The following CD109 variants were observed in gnomAD, a reference collection of about 807,000 sequenced individuals.
The protein encoded by CD109 is CD109 molecule, also known as CD109 antigen.
CD109 carries 149 observed loss-of-function variants against 165.8 expected under a neutral mutation model. The observed-to-expected ratio is 0.90, with a 90% CI of 0.79 to 1.03. The LOEUF is 1.03. Ranked by LOEUF, CD109 falls within the 50% of genes least tolerant of loss-of-function variation. The pLI is 0.00. For missense variants in CD109, 1,712 were observed against 1,677.8 expected, an observed-to-expected ratio of 1.02 and a Z score of -0.36; for synonymous variants, 585 against 592.1, an observed-to-expected ratio of 0.99 and a Z score of 0.18.
intron 5 of CD109, among the ~76,000 whole-genome samples, chr6:73,746,913 C>G (rs1340288886): frequency 6.6e-6 from 1 of 152,214 alleles, no homozygotes; most frequent in African/African-American, 2.4e-5. Flanking sequence ...AAAACTGTCT[C>G]CTGGGGAGGT....
chr6:73,793,773 C>A (rs1021230489), intron 23 of CD109, among the ~76,000 whole-genome samples: 3 of 152,228 alleles, frequency 2.0e-5, no homozygotes, highest in Admixed American at 2.0e-4. Flanking sequence ...CACAAACTCT[C>A]TGTGGCTGAG....
intron 14 of CD109, among the ~76,000 whole-genome samples, chr6:73,768,708 A>T (rs780179200): frequency 6.6e-6 from 1 of 152,194 alleles, no homozygotes; most frequent in Non-Finnish European, 1.5e-5. Context: ...ATTACCCTGC[A>T]TGTGAGGATC....
intron 29 of CD109, among the ~76,000 whole-genome samples, chr6:73,814,387 C>T (rs897025691): frequency 2.6e-5 from 4 of 152,078 alleles, no homozygotes; most frequent in Non-Finnish European, 4.4e-5. Context: ...GAGAAAGACA[C>T]GGGTCCTCAG....
chr6:73,736,508 T>C lies in CD109; in HGVS notation c.633T>C (p.Asn211=). ...LGDWSIQVQV[N]DQTYYQSFQV... is the part of the protein sequence containing the mutation. ...ACTGGTCTATTCAAGTTCAAGTGAATGTGAGTATAAATATATTTTTTGGGG... is the reference window on the plus strand; with the variant it reads ...ACTGGTCTATTCAAGTTCAAGTGAACGTGAGTATAAATATATTTTTTGGGG... Residue 211 remains asparagine (N), a splice_region_variant and synonymous_variant, in exon 5 of 33, where the codon AAT becomes AAC. Transcript: ENST00000287097. 2.5e-6 allele frequency: 4 copies of C among 1,608,938 alleles called. No homozygotes were observed. Among genetic ancestry groups the C allele is most frequent in the Non-Finnish European group, 3.4e-6 (4 of 1,178,036 alleles).
chr6:73,685,955 A>G, the CD109 span, among the ~76,000 whole-genome samples: 6 of 152,304 alleles, frequency 3.9e-5, no homozygotes, highest in Admixed American at 2.6e-4. Context: ...TTGTAGTACT[A>G]TATGGAGTGA....
At chr6:73,795,699 G>T (rs549204291) in intron 23 of CD109, among the ~76,000 whole-genome samples, 26 of 152,286 alleles carry the variant, frequency 1.7e-4, no homozygotes, top group African/African-American at 5.3e-4. Flanking sequence ...TTTCCCCTTG[G>T]GAGGAAGTAG....
intron 20 of CD109, among the ~76,000 whole-genome samples, chr6:73,785,846 GT>G (rs10583850): frequency 2.0e-3 from 274 of 133,882 alleles, no homozygotes; most frequent in East Asian, 3.6e-3. Flanking sequence ...CTGCAGTTTT[GT>G]TTTTTTTTTT....
chr6:73,687,599 T>C, the CD109 span, among the ~76,000 whole-genome samples: 3 of 152,094 alleles, frequency 2.0e-5, no homozygotes, highest in African/African-American at 7.2e-5. Flanking sequence ...CTGTGGTAGA[T>C]TGAATTATTT....
chr6:73,783,945 G>A (rs1194219215), intron 19 of CD109, 121 bp downstream of exon 19: 3 of 600,744 alleles, frequency 5.0e-6, no homozygotes, highest in Admixed American at 3.0e-5. Context: ...GAGATTCCTT[G>A]GCTTTGTCTT....
intron 2 of CD109, 106 bp downstream of exon 2, chr6:73,697,678 T>A (rs1205547967): frequency 2.4e-6 from 2 of 849,674 alleles, no homozygotes; most frequent in Non-Finnish European, 3.6e-6. Flanking sequence ...ATTTGCAGTA[T>A]CTTACCTAAT....
At chr6:73,788,364 A>G in intron 21 of CD109, 104 bp from the exon 22 acceptor site, 1 of 925,974 alleles carries the variant, frequency 1.1e-6, no homozygotes, top group African/African-American at 1.7e-5. Context: ...GCCACACACA[A>G]ACCTCAGACA....
chr6:73,724,453 G>A (rs536521506), intron 3 of CD109, among the ~76,000 whole-genome samples: 10 of 152,152 alleles, frequency 6.6e-5, no homozygotes, highest in African/African-American at 2.4e-4. Context: ...GGCTTTACAT[G>A]CTTAATGTAC....
At position 73,826,770 on chromosome 6, in the gene CD109, A is replaced by G. The variant is rs1776289112; in HGVS notation, c.*3137A>G. 1 of 152,040 alleles carries G rather than the reference A, an allele frequency of 6.6e-6. No individual in the cohort carries two copies. Among genetic ancestry groups the G allele is most frequent in the African/African-American group, 2.4e-5 (1 of 41,412 alleles). 9.4% of individuals were successfully genotyped at this position (152,040 alleles called of 1,614,324 possible). On this transcript the variant is annotated 3_prime_UTR_variant, in exon 33 of 33. Transcript: ENST00000287097. ...CTAGGAGATGTTACTTACATATGTA[A>G]TACTGTATCCTGCACGTGGAAATAT...
rs1369720868 is a variant in CD109, at chr6:73,807,027, T to TA, written c.3145dup (p.Thr1049AsnfsTer12). 1.2e-6 allele frequency: 2 copies of TA among 1,613,906 alleles called. No individual in the cohort carries two copies. Among genetic ancestry groups the TA allele is most frequent in the African/African-American group, 1.3e-5 (1 of 75,060 alleles). On this transcript the variant is annotated frameshift_variant, in exon 25 of 33. Transcript: ENST00000287097. LOFTEE classifies it high-confidence loss of function. Reference sequence around the variant, plus strand: ...GTGGCAATAAAAGTCCAGTAACACTTACAGCCTATATTGTAACTTCTCTCC... The same window carrying TA: ...GTGGCAATAAAAGTCCAGTAACACTTAACAGCCTATATTGTAACTTCTCTCC...
At chr6:73,774,836 G>A (rs771248309) in intron 15 of CD109, among the ~76,000 whole-genome samples, 2 of 152,020 alleles carry the variant, frequency 1.3e-5, no homozygotes, top group Non-Finnish European at 2.9e-5. Context: ...TCTTCCTGGG[G>A]TTTTCTCACT....
chr6:73,715,811 C>T (rs749358335), intron 2 of CD109, among the ~76,000 whole-genome samples: 2 of 152,094 alleles, frequency 1.3e-5, no homozygotes, highest in Non-Finnish European at 2.9e-5. Context: ...AATGTACAAT[C>T]AAATTGTTAT....
intron 2 of CD109, among the ~76,000 whole-genome samples, chr6:73,699,787 T>C (rs1180724029): frequency 3.3e-5 from 5 of 152,204 alleles, no homozygotes; most frequent in Non-Finnish European, 5.9e-5. Context: ...TAGAGTTTCA[T>C]TGAAAATGCC....
the CD109 span, among the ~76,000 whole-genome samples, chr6:73,681,644 C>A: frequency 6.6e-6 from 1 of 150,852 alleles, no homozygotes. Flanking sequence ...CTTTTGTCAC[C>A]CAGGCTGGAG....
intron 5 of CD109, among the ~76,000 whole-genome samples, chr6:73,751,337 G>A (rs1353128731): frequency 9.2e-5 from 14 of 151,994 alleles, no homozygotes; most frequent in Admixed American, 9.2e-4. Flanking sequence ...TTCATCCAAA[G>A]TACCCTGGAT....
Sources: gnomAD v4.1 joint callset for allele counts (sites outside exome capture counted in the v4.1 genomes callset) on GRCh38, gnomAD v4.1.1 for gene constraint, MANE v1.5 for transcripts, NCBI Gene and HGNC (gene_info 2026-07-23, HGNC 2026-07-21) for gene names.